Variants in SULF2 observed in about 807,000 individuals in gnomAD.
The protein encoded by SULF2 is extracellular sulfatase Sulf-2.
SULF2 carries 52 observed loss-of-function variants against 107.7 expected under a neutral mutation model. That is an observed-to-expected ratio of 0.48 (90% CI 0.39 to 0.61). The LOEUF (loss-of-function observed/expected upper bound fraction) is 0.61. SULF2 is among the 20% of genes least tolerant of loss of function. SULF2 has a pLI of 0.00. For synonymous variants in SULF2, 460 were observed against 464.3 expected (o/e 0.99, Z 0.12); for missense variants, 993 against 1,177.3 (o/e 0.84, Z 2.29).
At chr20:47,754,359 T>C (rs1375669202) in intron 2 of SULF2, among the ~76,000 whole-genome samples, 1 of 152,240 alleles carries the variant, frequency 6.6e-6, no homozygotes, top group Non-Finnish European at 1.5e-5. Context: ...ACCCGCTGCA[T>C]GCCAGTTGTA....
At chr20:47,747,742 A>T (rs562563711) in intron 2 of SULF2, among the ~76,000 whole-genome samples, 27 of 151,390 alleles carry the variant, frequency 1.8e-4, no homozygotes, top group Non-Finnish European at 3.1e-4. Context: ...ACCTCTCCCA[A>T]TCTGTTCCTC....
chr20:47,674,410 G>C (rs539632807), intron 10 of SULF2, among the ~76,000 whole-genome samples: 1 of 152,366 alleles, frequency 6.6e-6, no homozygotes, highest in African/African-American at 2.4e-5. Flanking sequence ...GTTTGCCTGA[G>C]CCCTGGGCCT....
chr20:47,668,312 T>A (rs1435933417), intron 11 of SULF2, among the ~76,000 whole-genome samples: 1 of 152,240 alleles, frequency 6.6e-6, no homozygotes, highest in African/African-American at 2.4e-5. Context: ...CTGCTCGCAT[T>A]CCCTTATACC....
intron 1 of SULF2, among the ~76,000 whole-genome samples, chr20:47,778,360 T>C (rs2090762134): frequency 1.3e-5 from 2 of 152,278 alleles, no homozygotes; most frequent in East Asian, 1.9e-4. Context: ...AACTCTGAGT[T>C]TGGGATAGAA....
chr20:47,761,806 T>C (rs185721931), intron 1 of SULF2, among the ~76,000 whole-genome samples: 6 of 152,354 alleles, frequency 3.9e-5, no homozygotes, highest in Non-Finnish European at 8.8e-5. Context: ...GTATCTGATA[T>C]GGTTTGGCTG....
chr20:47,718,537 T>C (rs1417238189), intron 3 of SULF2, among the ~76,000 whole-genome samples: 1 of 152,150 alleles, frequency 6.6e-6, no homozygotes, highest in Non-Finnish European at 1.5e-5. Flanking sequence ...AACTGGAATG[T>C]TTGGAGACTC....
intron 1 of SULF2, among the ~76,000 whole-genome samples, chr20:47,768,621 C>G (rs1237582961): frequency 6.6e-6 from 1 of 152,238 alleles, no homozygotes; most frequent in Non-Finnish European, 1.5e-5. Flanking sequence ...TACTGAGGGC[C>G]AACTCGCCCA....
chr20:47,778,192 G>A (rs531041046), intron 1 of SULF2, among the ~76,000 whole-genome samples: 4 of 152,258 alleles, frequency 2.6e-5, no homozygotes, highest in South Asian at 4.1e-4. Context: ...CAAGTCACCC[G>A]CTGGGGTCCT....
At chr20:47,755,817 A>AT (rs1444317697) in intron 2 of SULF2, among the ~76,000 whole-genome samples, 1 of 151,926 alleles carries the variant, frequency 6.6e-6, no homozygotes, top group African/African-American at 2.4e-5. Flanking sequence ...AGCCCCCACC[A>AT]TGGCCACAAG....
At position 47,780,020 on chromosome 20, in the gene SULF2, T is replaced by TA. The variant is rs529022895; in HGVS notation, c.-101+5322_-101+5323insT. Reference sequence around the variant, plus strand: ...TGACCCTCTACCCTAGTTGACTTTTTTTTTTTTTTTTTTTGAGACAGAGTC... The same window carrying TA: ...TGACCCTCTACCCTAGTTGACTTTTTATTTTTTTTTTTTTTGAGACAGAGTC... On this transcript the variant is annotated intron_variant, in intron 1 of 20. Coordinates refer to ENST00000688720, the MANE Select transcript of SULF2 (RefSeq NM_001387048.1). Among the ~76,000 whole-genome samples, 487 of 149,434 alleles carry TA rather than the reference T, an allele frequency of 3.3e-3. 3 individuals are homozygous for TA. Among genetic ancestry groups the TA allele is most frequent in the African/African-American group, 0.011 (463 of 40,582 alleles).
At chr20:47,668,478 T>C (rs1272188343) in intron 11 of SULF2, among the ~76,000 whole-genome samples, 4 of 152,144 alleles carry the variant, frequency 2.6e-5, no homozygotes, top group Non-Finnish European at 5.9e-5. Context: ...GTCCTGGAGG[T>C]ACCCTTCCTG....
intron 1 of SULF2, among the ~76,000 whole-genome samples, chr20:47,759,606 C>T (rs543026233): frequency 2.2e-3 from 330 of 152,270 alleles, no homozygotes; most frequent in Non-Finnish European, 3.1e-3. Context: ...GCAGGAGAAT[C>T]GCTTGAACCT....
At position 47,659,689 on chromosome 20, in the gene SULF2, C is replaced by T. The variant is rs41302563; in HGVS notation, c.2528+8G>A. On this transcript the variant is annotated splice_region_variant and intron_variant, in intron 19 of 20. Transcript: ENST00000688720. ...CTTTGTTTAGGCTTTAATAATAAAA[C>T]GAAATACCTGTATTGCTCATAGCTT... is the stretch of plus-strand genomic sequence containing the variant. 0.047 allele frequency: 76,202 copies of T among 1,609,056 alleles called. 2,379 individuals carry two copies. Among genetic ancestry groups the T allele is most frequent in the Non-Finnish European group, 0.055 (64,113 of 1,175,840 alleles).
intron 10 of SULF2, 31 bp from the exon 11 acceptor site, chr20:47,672,424 G>A (rs771596682): frequency 6.6e-7 from 1 of 1,516,320 alleles, no homozygotes; most frequent in South Asian, 1.3e-5. Context: ...TCGGCCAGCT[G>A]CTCATCTGCT....
intron 4 of SULF2, among the ~76,000 whole-genome samples, chr20:47,699,045 A>G (rs550356122): frequency 6.6e-6 from 1 of 152,266 alleles, no homozygotes; most frequent in Non-Finnish European, 1.5e-5. Context: ...AAACAAAACA[A>G]AACTGAGATG....
chr20:47,757,145 T>G (rs1258817254), intron 2 of SULF2, 44 bp downstream of exon 2: 1 of 1,506,154 alleles, frequency 6.6e-7, no homozygotes. Context: ...CCAGGGACCC[T>G]GCTCCGAGGG....
In SULF2 at chr20:47,664,135, A is replaced by G. The variant is rs748156689; in HGVS notation, c.2052T>C (p.Pro684=). 12 of 1,613,670 alleles carry G rather than the reference A, an allele frequency of 7.4e-6. No homozygotes were observed. Among genetic ancestry groups the G allele is most frequent in the Non-Finnish European group, 1.0e-5 (12 of 1,179,892 alleles). ...RLKHRGSSLH[P]FRKGLQEKDK... is the part of the protein sequence containing the mutation. ...GGACCTCAAGCTGCTCTTACCTGAA[A>G]GGATGCAGACTGGAGCCTCTGTGCT... The change falls in exon 15 of 21, where the codon CCT becomes CCC. Residue 684 remains proline, a synonymous_variant. Transcript: ENST00000688720.
chr20:47,679,690 C>T (rs947380314), intron 7 of SULF2, among the ~76,000 whole-genome samples: 5 of 152,154 alleles, frequency 3.3e-5, no homozygotes, highest in East Asian at 1.9e-4. Context: ...CAGCCCTGGC[C>T]GGCACCTTGA....
intron 18 of SULF2, among the ~76,000 whole-genome samples, chr20:47,660,880 C>T (rs112860013): frequency 5.3e-5 from 8 of 152,156 alleles, no homozygotes; most frequent in Admixed American, 2.6e-4. Flanking sequence ...CTCCTAATCC[C>T]GCACCTCCCA....
Sources: gnomAD v4.1 joint callset for allele counts (sites outside exome capture counted in the v4.1 genomes callset) on GRCh38, gnomAD v4.1.1 for gene constraint, MANE v1.5 for transcripts, NCBI Gene and HGNC (gene_info 2026-07-23, HGNC 2026-07-21) for gene names.